ZFPM1: variants seen among roughly 807,000 people sequenced by gnomAD.
ZFPM1 encodes zinc finger protein, FOG family member 1, also known as zinc finger protein ZFPM1.
In ZFPM1, 28 loss-of-function variants were observed where a neutral mutation model predicts 46.3. The ratio of observed to expected loss-of-function variants is 0.60; its 90% CI spans 0.45 to 0.83. ZFPM1 has a LOEUF of 0.83. ZFPM1 is among the 40% of genes least tolerant of loss of function. ZFPM1 has a pLI of 0.00. For synonymous variants in ZFPM1, 957 were observed against 675.9 expected (o/e 1.42, Z -6.45); for missense variants, 1,878 against 1,432.4 (o/e 1.31, Z -5.02).
intron 1 of ZFPM1, among the ~76,000 whole-genome samples, chr16:88,466,770 G>C (rs919016449): frequency 2.0e-5 from 3 of 152,150 alleles, no homozygotes; most frequent in African/African-American, 4.8e-5. Flanking sequence ...GTGTGTATGT[G>C]GGGGAGGGGG....
In ZFPM1 at chr16:88,536,927, C is replaced by G. The variant is rs1418341712; in HGVS notation, c.*1948C>G. 1 of 152,246 alleles carries G rather than the reference C, an allele frequency of 6.6e-6. No homozygotes were observed. The highest frequency in any genetic ancestry group is 1.9e-4 in the East Asian group (1 of 5,204). 9.4% of individuals were successfully genotyped at this position (152,246 alleles called of 1,614,324 possible). On this transcript the variant is annotated 3_prime_UTR_variant, in exon 10 of 10. Coordinates refer to ENST00000319555, the MANE Select transcript of ZFPM1 (RefSeq NM_153813.3). The stretch of plus-strand genomic sequence containing the variant: ...TCTGCCCCCAAGTCCTCCCCAGGTG[C>G]GGGCGCAGGGTACAAGATGTTCTAA...
chr16:88,490,430 C>T (rs537126520), intron 3 of ZFPM1, among the ~76,000 whole-genome samples: 207 of 152,332 alleles, frequency 1.4e-3, no homozygotes, highest in African/African-American at 4.9e-3. Context: ...CGCAAGCGGC[C>T]GTAATGACAC....
intron 3 of ZFPM1, among the ~76,000 whole-genome samples, chr16:88,492,329 C>T (rs1040732350): frequency 1.3e-5 from 2 of 152,216 alleles, no homozygotes; most frequent in African/African-American, 4.8e-5. Context: ...CAGTGCAGGC[C>T]CCAGCCCTTC....
rs891945393 is a variant in ZFPM1 at position 88,480,063 on chromosome 16, C to T, written c.41-5876C>T. On this transcript the variant is annotated intron_variant, in intron 1 of 9. Coordinates refer to ENST00000319555, the MANE Select transcript of ZFPM1 (RefSeq NM_153813.3). The surrounding 1 kb of genome is among the most constrained non-coding windows in gnomAD (Gnocchi z 4.9). ...CAGCCTTTGGCAAGACAGTTTGATCCGCTGAAACCAGGCTCAGGGAGAAGC... is the reference window on the plus strand; with the variant it reads ...CAGCCTTTGGCAAGACAGTTTGATCTGCTGAAACCAGGCTCAGGGAGAAGC... Among the ~76,000 whole-genome samples the T allele has an allele frequency of 2.0e-5, 3 of 151,984 alleles. No individual in the cohort carries two copies. Among genetic ancestry groups the T allele is most frequent in the Admixed American group, 1.3e-4 (2 of 15,260 alleles).
intron 3 of ZFPM1, among the ~76,000 whole-genome samples, chr16:88,494,650 C>A (rs1256839227): frequency 6.6e-6 from 1 of 152,164 alleles, no homozygotes; most frequent in Non-Finnish European, 1.5e-5. Context: ...AGGGCGCAGC[C>A]CTGCACGGGC....
chr16:88,513,757 G>A (rs1911111688), intron 3 of ZFPM1, among the ~76,000 whole-genome samples: 1 of 152,172 alleles, frequency 6.6e-6, no homozygotes, highest in African/African-American at 2.4e-5. Context: ...CCAAGTGTCG[G>A]CAGCACCAGG....
chr16:88,523,374 G>A (rs1000266589), intron 4 of ZFPM1, among the ~76,000 whole-genome samples: 34 of 152,292 alleles, frequency 2.2e-4, no homozygotes, highest in African/African-American at 7.0e-4. Context: ...ACCCGTGCCC[G>A]GCCAGCCCCT....
At position 88,536,831 on chromosome 16, in the gene ZFPM1, G is replaced by C. The variant is rs1014769395; in HGVS notation, c.*1852G>C. 6.6e-6 allele frequency: 1 copy of C among 152,240 alleles called. No individual in the cohort carries two copies. Among genetic ancestry groups the C allele is most frequent in the African/African-American group, 2.4e-5 (1 of 41,428 alleles). 9.4% of individuals were successfully genotyped at this position (152,240 alleles called of 1,614,324 possible). On this transcript the variant is annotated 3_prime_UTR_variant, in exon 10 of 10. Transcript: ENST00000319555. ...AGACCAGGTGATAGCGGGGACGGGA[G>C]GCACGGACCCCTCAAGTCTGCTCAT... is the stretch of plus-strand genomic sequence containing the variant.
At position 88,497,438 on chromosome 16, in the gene ZFPM1, G is replaced by C. The variant is rs1909993916; in HGVS notation, c.268+8285G>C. On this transcript the variant is annotated intron_variant, in intron 3 of 9. Coordinates refer to ENST00000319555, the MANE Select transcript of ZFPM1 (RefSeq NM_153813.3). The surrounding 1 kb of genome is among the most constrained non-coding windows in gnomAD (Gnocchi z 5.4). ...GGGTCAGGGTGGGGCTCAGGGCCTG[G>C]GCGGGGATGGGGTTCAGAGGGGTCA... Among the ~76,000 whole-genome samples, 1 of 149,712 alleles carries C rather than the reference G, an allele frequency of 6.7e-6. No individual in the cohort carries two copies. The highest frequency in any genetic ancestry group is 2.5e-5 in the African/African-American group (1 of 40,512).
At chr16:88,516,128 C>T in intron 4 of ZFPM1, 1 of 398,552 alleles carries the variant, frequency 2.5e-6, no homozygotes, top group African/African-American at 2.1e-5. Context: ...AAAACTGAGG[C>T]TCCAAGATGT....
intron 3 of ZFPM1, among the ~76,000 whole-genome samples, chr16:88,499,006 G>GCCACGCAA (rs1910098472): frequency 6.6e-6 from 1 of 152,218 alleles, no homozygotes; most frequent in African/African-American, 2.4e-5. Flanking sequence ...AAGGCCCTGT[G>GCCACGCAA]GGCGGAGCCC....
At chr16:88,489,843 A>G (rs982159340) in intron 3 of ZFPM1, among the ~76,000 whole-genome samples, 4 of 152,178 alleles carry the variant, frequency 2.6e-5, no homozygotes, top group African/African-American at 9.7e-5. Context: ...TGTCGTTCCT[A>G]ATAAATCCCA....
intron 2 of ZFPM1, among the ~76,000 whole-genome samples, chr16:88,488,064 G>A (rs112049032): frequency 0.014 from 2,115 of 152,316 alleles, 24 homozygotes; most frequent in Non-Finnish European, 0.022. Flanking sequence ...AGCTGGGTGC[G>A]AGTCCCTTGG....
intron 1 of ZFPM1, among the ~76,000 whole-genome samples, chr16:88,481,524 G>A (rs1908939594): frequency 6.6e-6 from 1 of 151,612 alleles, no homozygotes; most frequent in African/African-American, 2.4e-5. Flanking sequence ...GGAATGACCT[G>A]GCTTCCCACT....
At chr16:88,523,249 G>T (rs1361914148) in intron 4 of ZFPM1, among the ~76,000 whole-genome samples, 1 of 151,780 alleles carries the variant, frequency 6.6e-6, no homozygotes, top group Non-Finnish European at 1.5e-5. Context: ...TTGCTCCCCA[G>T]TGCCCACAGG....
At chr16:88,526,617 A>G (rs572002337) in intron 4 of ZFPM1, among the ~76,000 whole-genome samples, 197 bp from the exon 5 acceptor site, 2 of 152,304 alleles carry the variant, frequency 1.3e-5, no homozygotes, top group African/African-American at 2.4e-5. Flanking sequence ...GCACGGTGTT[A>G]GCCCCACCGG....
intron 1 of ZFPM1, among the ~76,000 whole-genome samples, chr16:88,478,766 A>C (rs972679528): frequency 6.6e-6 from 1 of 152,190 alleles, no homozygotes; most frequent in Non-Finnish European, 1.5e-5. Context: ...GTTCCCGTAG[A>C]GGGGGCAGGG....
chr16:88,518,770 TGGATGATGGGTG>T (rs1298977340), intron 4 of ZFPM1, among the ~76,000 whole-genome samples: 11 of 122,288 alleles, frequency 9.0e-5, no homozygotes, highest in African/African-American at 2.5e-4. Flanking sequence ...GATGGATGGA[TGGATGATGGGTG>T]GATGGGTGGA....
At position 88,471,556 on chromosome 16, in the gene ZFPM1, C is replaced by T. The variant is rs994589818; in HGVS notation, c.41-14383C>T. 1.2e-4 allele frequency among the ~76,000 whole-genome samples: 19 copies of T among 152,008 alleles called. No homozygotes were observed. The highest frequency in any genetic ancestry group is 2.1e-4 in the Non-Finnish European group (14 of 67,974). The stretch of plus-strand genomic sequence containing the variant: ...CAAGACCCCAAGATGACCATGGCTG[C>T]GGTGGCTCCTGCTCACAGTGGGGGA... On this transcript the variant is annotated intron_variant, in intron 1 of 9. Coordinates refer to ENST00000319555, the MANE Select transcript of ZFPM1 (RefSeq NM_153813.3). The surrounding 1 kb of genome is among the most constrained non-coding windows in gnomAD (Gnocchi z 4.1).
Sources: gnomAD v4.1 joint callset for allele counts (sites outside exome capture counted in the v4.1 genomes callset) on GRCh38, gnomAD v4.1.1 for gene constraint, Gnocchi (gnomAD v3.1) non-coding constraint, MANE v1.5 for transcripts, NCBI Gene and HGNC (gene_info 2026-07-23, HGNC 2026-07-21) for gene names.